Variants in MYO5B observed in about 807,000 individuals in gnomAD.
MYO5B encodes the protein unconventional myosin-Vb.
A neutral mutation model predicts 229.3 loss-of-function variants in MYO5B; 143 were observed. That is an observed-to-expected ratio of 0.62 (90% confidence interval 0.54 to 0.72). The LOEUF (loss-of-function observed/expected upper bound fraction) is 0.72, where lower values mean the gene tolerates loss of function less well. MYO5B is among the 30% of genes least tolerant of loss of function. The pLI is 0.00. For synonymous variants in MYO5B, 918 were observed against 885.2 expected, an observed-to-expected ratio of 1.04 and a Z score of -0.66; for missense variants, 2,321 against 2,331.0, an observed-to-expected ratio of 1.00 and a Z score of 0.09.
At chr18:50,194,671 G>T in intron 1 of MYO5B, 96 bp downstream of exon 1, 1 of 851,648 alleles carries the variant, frequency 1.2e-6, no homozygotes, top group Non-Finnish European at 1.8e-6. Context: ...GTCACCTCCC[G>T]CCTCCAGTAG....
intron 17 of MYO5B, among the ~76,000 whole-genome samples, chr18:49,925,555 T>G (rs2025119935): frequency 6.6e-6 from 1 of 152,202 alleles, no homozygotes; most frequent in African/African-American, 2.4e-5. Context: ...ACACAACCCA[T>G]TGAATTGATA....
chr18:50,085,886 A>G (rs1465485059), intron 1 of MYO5B, among the ~76,000 whole-genome samples: 1 of 150,584 alleles, frequency 6.6e-6, no homozygotes, highest in African/African-American at 2.4e-5. Flanking sequence ...GGACACAGGA[A>G]GGGGAACATC....
chr18:50,187,632 C>T (rs1196635090), intron 1 of MYO5B, among the ~76,000 whole-genome samples: 2 of 152,108 alleles, frequency 1.3e-5, no homozygotes, highest in East Asian at 1.9e-4. Flanking sequence ...CCTCCCACCT[C>T]GGCCTCCAGA....
At chr18:49,896,622 G>A (rs1166293933) in intron 21 of MYO5B, among the ~76,000 whole-genome samples, 1 of 152,142 alleles carries the variant, frequency 6.6e-6, no homozygotes, top group Non-Finnish European at 1.5e-5. Flanking sequence ...AACTAGGCAG[G>A]AGGTCTCTAG....
At chr18:49,956,758 C>T (rs1220700487) in intron 12 of MYO5B, among the ~76,000 whole-genome samples, 2 of 152,138 alleles carry the variant, frequency 1.3e-5, no homozygotes, top group African/African-American at 2.4e-5. Flanking sequence ...GCTCAGTCCT[C>T]GTCTAGGCAG....
chr18:49,989,892 G>A (rs555658344), intron 7 of MYO5B, among the ~76,000 whole-genome samples: 1 of 152,242 alleles, frequency 6.6e-6, no homozygotes, highest in East Asian at 1.9e-4. Context: ...GCCAGTCCAC[G>A]AGAGATCAGA....
chr18:49,867,672 C>A (rs553213284), intron 27 of MYO5B, among the ~76,000 whole-genome samples: 1 of 152,132 alleles, frequency 6.6e-6, no homozygotes, highest in Non-Finnish European at 1.5e-5. Flanking sequence ...ATATTTCACA[C>A]GGGATGAGCG....
intron 1 of MYO5B, among the ~76,000 whole-genome samples, chr18:50,064,885 C>T (rs1389300109): frequency 7.2e-5 from 11 of 152,158 alleles, no homozygotes; most frequent in East Asian, 3.9e-4. Flanking sequence ...TTCTCTTCTG[C>T]GAACCACTTC....
chr18:49,947,887 TAA>T (rs1310935530), intron 14 of MYO5B, among the ~76,000 whole-genome samples: 2 of 152,136 alleles, frequency 1.3e-5, no homozygotes, highest in Admixed American at 1.3e-4. Flanking sequence ...TTTGGCAGTT[TAA>T]AAAAAGTCAA....
Position 49,910,888 on chromosome 18 carries a change from G to A in MYO5B, c.2202+1174C>T, listed in dbSNP as rs113562247. Among the ~76,000 whole-genome samples the A allele has an allele frequency of 5.3e-3, 804 of 152,024 alleles. 8 individuals carry two copies. The highest frequency in any genetic ancestry group is 0.017 in the African/African-American group (700 of 41,440). ...TTTTTGATATAATTTAACCTTTATC[G>A]AGCCATTAATGATCATACTCTGCTG... On this transcript the variant is annotated intron_variant, in intron 18 of 39. Coordinates refer to ENST00000285039, the MANE Select transcript of MYO5B (RefSeq NM_001080467.3).
rs869189090 is a variant in MYO5B at position 50,030,876 on chromosome 18, GAAAAAAAAAAAAAAAAAAA to G, written c.455+5955_455+5973del. On this transcript the variant is annotated intron_variant, in intron 4 of 39. Transcript: ENST00000285039. The stretch of plus-strand genomic sequence containing the variant: ...TCTGCAGCATCCCCACTCCCTTTCA[GAAAAAAAAAAAAAAAAAAA>G]AAAAAAAAAAAAAAAAAAAAAGCAC... Among the ~76,000 whole-genome samples, 259 of 30,494 alleles carry G rather than the reference GAAAAAAAAAAAAAAAAAAA, an allele frequency of 8.5e-3. 2 individuals carry two copies. The highest frequency in any genetic ancestry group is 0.028 in the African/African-American group (237 of 8,504). The allele number at this position is 30,494 out of a possible 152,430, so 20.0% of individuals were successfully genotyped here. A position where few individuals can be genotyped will look rare whatever the true frequency, so the allele number is the denominator to read the frequency against.
At chr18:49,933,966 C>T (rs896503347) in intron 16 of MYO5B, among the ~76,000 whole-genome samples, 1 of 152,178 alleles carries the variant, frequency 6.6e-6, no homozygotes, top group African/African-American at 2.4e-5. Context: ...GCCTCAAACT[C>T]CTGGGCTCAA....
chr18:49,930,587 C>G (rs905540737), intron 16 of MYO5B, among the ~76,000 whole-genome samples: 1 of 152,064 alleles, frequency 6.6e-6, no homozygotes, highest in Admixed American at 6.6e-5. Context: ...TTGTTAAACA[C>G]AAATCATAAA....
At chr18:50,141,639 A>G (rs563936143) in intron 1 of MYO5B, among the ~76,000 whole-genome samples, 1 of 152,292 alleles carries the variant, frequency 6.6e-6, no homozygotes, top group South Asian at 2.1e-4. Context: ...CTGACCCAAA[A>G]TCACACTATT....
At chr18:49,873,903 A>T (rs1399352333) in intron 26 of MYO5B, among the ~76,000 whole-genome samples, 1 of 152,180 alleles carries the variant, frequency 6.6e-6, no homozygotes, top group African/African-American at 2.4e-5. Flanking sequence ...TACTGATGGT[A>T]CATCCCATGG....
chr18:50,046,552 A>T (rs189058270), intron 2 of MYO5B, among the ~76,000 whole-genome samples: 5 of 152,310 alleles, frequency 3.3e-5, no homozygotes, highest in Admixed American at 3.3e-4. Flanking sequence ...TCATTTGTCA[A>T]ATTACAACAG....
intron 4 of MYO5B, among the ~76,000 whole-genome samples, chr18:50,011,442 G>A (rs2026159572): frequency 6.6e-6 from 1 of 152,152 alleles, no homozygotes; most frequent in South Asian, 2.1e-4. Context: ...CTTCCTCTGA[G>A]AGCCAAACAC....
At chr18:49,982,318 A>G (rs1041359945) in intron 8 of MYO5B, among the ~76,000 whole-genome samples, 1 of 152,094 alleles carries the variant, frequency 6.6e-6, no homozygotes, top group African/African-American at 2.4e-5. Flanking sequence ...TCAGCCTCCC[A>G]AGGTGTTGGG....
chr18:49,920,344 T>G (rs1171620261), intron 17 of MYO5B, among the ~76,000 whole-genome samples: 1 of 152,036 alleles, frequency 6.6e-6, no homozygotes, highest in Non-Finnish European at 1.5e-5. Context: ...ACATAAGAGG[T>G]TTGTGGGTGG....
Sources: allele counts gnomAD v4.1 joint callset (sites outside exome capture counted in the v4.1 genomes callset), GRCh38; gene constraint gnomAD v4.1.1; transcripts MANE v1.5; gene names NCBI Gene and HGNC (gene_info 2026-07-23, HGNC 2026-07-21).